MAPK8IP3: variants seen among roughly 807,000 people sequenced by gnomAD.
MAPK8IP3 encodes the protein mitogen-activated protein kinase 8 interacting protein 3, also known as C-Jun-amino-terminal kinase-interacting protein 3.
Under a neutral mutation model 157.8 loss-of-function variants are expected in MAPK8IP3, and 49 were observed. That is an observed-to-expected ratio of 0.31 (90% confidence interval 0.25 to 0.39). The LOEUF (loss-of-function observed/expected upper bound fraction) is 0.39. Ranked by LOEUF, MAPK8IP3 falls within the 10% of genes least tolerant of loss-of-function variation. The pLI is 1.00. For synonymous variants in MAPK8IP3, 897 were observed against 777.7 expected (o/e 1.15, Z -2.55); for missense variants, 1,478 against 1,889.4 (o/e 0.78, Z 4.04).
chr16:1,754,728 G>A (rs2041494252), intron 8 of MAPK8IP3, among the ~76,000 whole-genome samples: 2 of 150,052 alleles, frequency 1.3e-5, no homozygotes, highest in South Asian at 2.1e-4. Flanking sequence ...CTGAGATCAT[G>A]CCACTGCACT....
In MAPK8IP3 at chr16:1,744,799, A is replaced by T. The variant is rs181955037; in HGVS notation, c.747+1323A>T. 1.1e-5 allele frequency: 11 copies of T among 985,270 alleles called. No individual in the cohort carries two copies. The African/African-American group carries it at 1.6e-4, about 14-fold the overall frequency. The allele number at this position is 985,270 out of a possible 1,614,324, so 61.0% of individuals were successfully genotyped here. On this transcript the variant is annotated intron_variant, in intron 5 of 31. Coordinates refer to ENST00000610761, the MANE Select transcript of MAPK8IP3 (RefSeq NM_001318852.2). ...TCTGACATCGTCGCTCTCTTCATAA[A>T]TTGTAGCGTTTTATGTTTTCGTTCA...
chr16:1,749,232 C>CA (rs931833835), intron 8 of MAPK8IP3, among the ~76,000 whole-genome samples: 1 of 152,198 alleles, frequency 6.6e-6, no homozygotes, highest in African/African-American at 2.4e-5. Flanking sequence ...AGCGTACTCA[C>CA]AGGTGGGGCA....
At chr16:1,735,529 C>G (rs1459392045) in intron 4 of MAPK8IP3, among the ~76,000 whole-genome samples, 15 of 130,572 alleles carry the variant, frequency 1.1e-4, no homozygotes, top group Non-Finnish European at 1.9e-4. Context: ...AGCCGTGTGA[C>G]CGTCCGTGTG....
At chr16:1,722,937 G>A (rs974159574) in intron 1 of MAPK8IP3, among the ~76,000 whole-genome samples, 5 of 152,040 alleles carry the variant, frequency 3.3e-5, no homozygotes, top group African/African-American at 7.2e-5. Flanking sequence ...TCCTGACCTC[G>A]TGATCCGCCT....
intron 4 of MAPK8IP3, among the ~76,000 whole-genome samples, chr16:1,737,357 TGTGTGACCGTCCGTGTGAGA>T (rs1250551299): frequency 4.2e-5 from 4 of 95,514 alleles, no homozygotes; most frequent in African/African-American, 4.5e-5. Context: ...CGTCCGTGAG[TGTGTGACCGTCCGTGTGAGA>T]GTGTGACCAT....
At chr16:1,734,800 C>T (rs767301800) in intron 4 of MAPK8IP3, among the ~76,000 whole-genome samples, 3 of 152,280 alleles carry the variant, frequency 2.0e-5, no homozygotes, top group Admixed American at 6.5e-5. Flanking sequence ...ACCATGAGGG[C>T]GCCGTCCATC....
At chr16:1,753,662 C>T (rs1021946231) in intron 8 of MAPK8IP3, among the ~76,000 whole-genome samples, 12 of 151,314 alleles carry the variant, frequency 7.9e-5, no homozygotes, top group Middle Eastern at 6.8e-3. Context: ...AGGATGGTCT[C>T]GATCTCCTGA....
chr16:1,764,020 G>A (rs1478839507), intron 17 of MAPK8IP3, 95 bp from the exon 18 acceptor site: 2 of 1,288,058 alleles, frequency 1.6e-6, no homozygotes, highest in African/African-American at 1.5e-5. Context: ...AAGTGGCTGT[G>A]CCGCCAGAAG....
Position 1,765,176 on chromosome 16 carries a change from C to T in MAPK8IP3, c.2444C>T (p.Pro815Leu), listed in dbSNP as rs780417964. ...CACGTGCTGTGCATCTCCAGCATCCCCGGTGAGCAGCTGGAGTGGGCGTTT... is the reference window on the plus strand; with the variant it reads ...CACGTGCTGTGCATCTCCAGCATCCTCGGTGAGCAGCTGGAGTGGGCGTTT... ...NAHVLCISSI[P>L]AASDSDYPPG... The change falls in exon 20 of 32, where the codon CCC becomes CTC. Residue 815 changes from proline to leucine, a missense_variant and splice_region_variant. Pro to Leu is a moderately conservative substitution (Grantham distance 98). This residue lies in a region of MAPK8IP3 where 669 missense variants were observed against 759.8 expected (regional missense o/e 0.88). Transcript: ENST00000610761. 1.3e-6 allele frequency: 2 copies of T among 1,589,352 alleles called. No homozygotes were observed. Among genetic ancestry groups the T allele is most frequent in the Non-Finnish European group, 1.7e-6 (2 of 1,161,276 alleles).
At chr16:1,721,736 G>A (rs915591692) in intron 1 of MAPK8IP3, among the ~76,000 whole-genome samples, 4 of 147,112 alleles carry the variant, frequency 2.7e-5, no homozygotes, top group African/African-American at 7.5e-5. Context: ...CCACCGCTCC[G>A]GGCCTATAAA....
chr16:1,768,191 C>T lies in MAPK8IP3; in HGVS notation c.3563-8C>T, dbSNP rs1033900353. ...CGGGCTCAGCGCCTCTGGGTTCTCT[C>T]CCTGCAGCCAATAAGACATCCCCCA... On this transcript the variant is annotated splice_region_variant and splice_polypyrimidine_tract_variant and intron_variant, in intron 29 of 31. Coordinates refer to ENST00000610761, the MANE Select transcript of MAPK8IP3 (RefSeq NM_001318852.2). 9 of 1,611,984 alleles carry T rather than the reference C, an allele frequency of 5.6e-6. No homozygotes were observed. Among genetic ancestry groups the T allele is most frequent in the Non-Finnish European group, 6.8e-6 (8 of 1,179,566 alleles).
intron 4 of MAPK8IP3, among the ~76,000 whole-genome samples, chr16:1,734,817 G>A (rs552479270): frequency 2.0e-5 from 3 of 152,394 alleles, no homozygotes; most frequent in East Asian, 3.9e-4. Context: ...CATCCTCAGC[G>A]CTGGGCGCCC....
At chr16:1,719,248 T>C (rs1002070884) in intron 1 of MAPK8IP3, among the ~76,000 whole-genome samples, 18 of 151,352 alleles carry the variant, frequency 1.2e-4, no homozygotes, top group African/African-American at 4.4e-4. Context: ...GGATTACAGC[T>C]GTGAGCCACT....
chr16:1,742,114 C>G lies in MAPK8IP3; in HGVS notation c.603-1218C>G. Among the ~76,000 whole-genome samples, 1 of 152,152 alleles carries G rather than the reference C, an allele frequency of 6.6e-6. No individual in the cohort carries two copies. On this transcript the variant is annotated intron_variant, in intron 4 of 31. Coordinates refer to ENST00000610761, the MANE Select transcript of MAPK8IP3 (RefSeq NM_001318852.2). This position sits in a 1 kb window ranked among gnomAD's most constrained non-coding sequence, Gnocchi z 5.0. ...GTGCAAGCAGACTCTTAATTCTTGT[C>G]CTGAATAGCCCTGAGCAGTGTGGGC...
chr16:1,760,431 G>A lies in MAPK8IP3; in HGVS notation c.1356G>A (p.Leu452=). The change falls in exon 12 of 32, where the codon CTG becomes CTA. Residue 452 remains leucine (L), a synonymous_variant. Transcript: ENST00000610761. ...ACCTGATTGCCAAGGTCGACCAGCT[G>A]TCCGGGGAGCAGGAGGTGCTGAGGG... ...KNDLIAKVDQ[L]SGEQEVLRGE... 6.2e-7 allele frequency: 1 copy of A among 1,614,004 alleles called. No individual in the cohort carries two copies. The highest frequency in any genetic ancestry group is 8.5e-7 in the Non-Finnish European group (1 of 1,179,926).
At chr16:1,753,168 C>A (rs1260205384) in intron 8 of MAPK8IP3, among the ~76,000 whole-genome samples, 1 of 152,230 alleles carries the variant, frequency 6.6e-6, no homozygotes, top group Non-Finnish European at 1.5e-5. Context: ...GCACCTCTCT[C>A]AGCATTTTTA....
intron 4 of MAPK8IP3, among the ~76,000 whole-genome samples, chr16:1,738,204 G>A (rs1449607721): frequency 1.3e-4 from 13 of 98,092 alleles, no homozygotes; most frequent in Non-Finnish European, 2.2e-4. Flanking sequence ...GTGACCGTCC[G>A]TGTGTGTGAC....
chr16:1,734,696 C>T (rs1366170906), intron 4 of MAPK8IP3, among the ~76,000 whole-genome samples: 1 of 152,254 alleles, frequency 6.6e-6, no homozygotes, highest in African/African-American at 2.4e-5. Context: ...GCTCTCTCTT[C>T]TCTGGTGTGG....
chr16:1,727,334 TGA>T (rs1416154755), intron 2 of MAPK8IP3, among the ~76,000 whole-genome samples: 13 of 151,382 alleles, frequency 8.6e-5, no homozygotes, highest in African/African-American at 2.4e-4. Flanking sequence ...GGCGTCTGTG[TGA>T]GTCGTGTGCT....
Sources: allele counts gnomAD v4.1 joint callset (sites outside exome capture counted in the v4.1 genomes callset), GRCh38; gene constraint gnomAD v4.1.1; regional missense constraint gnomAD v4.1.1; non-coding constraint Gnocchi (gnomAD v3.1); transcripts MANE v1.5; gene names NCBI Gene and HGNC (gene_info 2026-07-23, HGNC 2026-07-21).